The following CRISPLD2 variants were observed in gnomAD, a reference collection of about 807,000 sequenced individuals.
The protein encoded by CRISPLD2 is cysteine-rich secretory protein LCCL domain-containing 2.
In CRISPLD2, 47 loss-of-function variants were observed where a neutral mutation model predicts 71.1. The ratio of observed to expected loss-of-function variants is 0.66; its 90% CI spans 0.52 to 0.84. The LOEUF (loss-of-function observed/expected upper bound fraction) is 0.84. Ranked by LOEUF, CRISPLD2 falls within the 40% of genes least tolerant of loss-of-function variation. The pLI is 0.00. For synonymous variants in CRISPLD2, 317 were observed against 250.1 expected (o/e 1.27, Z -2.52); for missense variants, 830 against 651.1 (o/e 1.27, Z -2.99).
At chr16:84,870,830 G>C (rs566065549) in intron 8 of CRISPLD2, among the ~76,000 whole-genome samples, 1 of 151,954 alleles carries the variant, frequency 6.6e-6, no homozygotes, top group Non-Finnish European at 1.5e-5. Flanking sequence ...AGGCCGAGGC[G>C]GGTGGATCAC....
rs74031019 is a variant in CRISPLD2 at position 84,891,925 on chromosome 16, A to G, written c.1439+2562A>G. 3.9e-3 allele frequency among the ~76,000 whole-genome samples: 587 copies of G among 152,328 alleles called. 3 individuals are homozygous for G. Among genetic ancestry groups the G allele is most frequent in the African/African-American group, 0.014 (566 of 41,570 alleles). ...AGGTGTCTTCCAGGCATCCCTCCCAAGCACACATGTCACTGGTGCCTTCTG... is the reference window on the plus strand; with the variant it reads ...AGGTGTCTTCCAGGCATCCCTCCCAGGCACACATGTCACTGGTGCCTTCTG... On this transcript the variant is annotated intron_variant, in intron 14 of 14. Transcript: ENST00000262424.
chr16:84,888,298 C>G (rs1179718874), intron 13 of CRISPLD2, among the ~76,000 whole-genome samples: 1 of 152,212 alleles, frequency 6.6e-6, no homozygotes, highest in Non-Finnish European at 1.5e-5. Flanking sequence ...CTTTGAGAGG[C>G]CAAGGCGGGA....
chr16:84,868,950 G>C, intron 8 of CRISPLD2, 39 bp downstream of exon 8: 1 of 1,497,988 alleles, frequency 6.7e-7, no homozygotes. Flanking sequence ...TGTAGCCTCT[G>C]AGTCTGTGCT....
At chr16:84,859,937 A>G (rs1429387980) in intron 6 of CRISPLD2, among the ~76,000 whole-genome samples, 2 of 152,252 alleles carry the variant, frequency 1.3e-5, no homozygotes, top group East Asian at 1.9e-4. Flanking sequence ...TGACATACAG[A>G]AAAAAGCAAT....
At chr16:84,891,329 G>A (rs904132953) in intron 14 of CRISPLD2, among the ~76,000 whole-genome samples, 1 of 152,200 alleles carries the variant, frequency 6.6e-6, no homozygotes, top group Non-Finnish European at 1.5e-5. Flanking sequence ...GGCACTTTGT[G>A]CAGCGGGCTT....
intron 14 of CRISPLD2, among the ~76,000 whole-genome samples, chr16:84,901,454 C>A (rs1410824830): frequency 6.7e-6 from 1 of 149,162 alleles, no homozygotes; most frequent in Admixed American, 6.7e-5. Flanking sequence ...GTGGAAAGAA[C>A]ACTCCTGGCT....
chr16:84,852,376 A>G (rs907147260), intron 5 of CRISPLD2, among the ~76,000 whole-genome samples: 1 of 152,218 alleles, frequency 6.6e-6, no homozygotes, highest in African/African-American at 2.4e-5. Flanking sequence ...AGTGCCCACC[A>G]TTCTAGCATC....
chr16:84,863,319 C>G (rs570174644), intron 6 of CRISPLD2, among the ~76,000 whole-genome samples: 5 of 152,334 alleles, frequency 3.3e-5, no homozygotes, highest in East Asian at 1.9e-4. Flanking sequence ...AAGTATCCAA[C>G]TTTCCTTGGC....
At chr16:84,888,204 C>G (rs918129901) in intron 13 of CRISPLD2, among the ~76,000 whole-genome samples, 9 of 152,334 alleles carry the variant, frequency 5.9e-5, no homozygotes, top group African/African-American at 2.2e-4. Flanking sequence ...AGGCCACCTG[C>G]ATTCATTGGC....
At chr16:84,884,454 G>A (rs1357297788) in intron 13 of CRISPLD2, among the ~76,000 whole-genome samples, 2 of 152,214 alleles carry the variant, frequency 1.3e-5, no homozygotes, top group Non-Finnish European at 2.9e-5. Context: ...GGGCTCTGGG[G>A]TTCACACAGG....
intron 1 of CRISPLD2, among the ~76,000 whole-genome samples, chr16:84,833,456 G>A (rs561716594): frequency 3.9e-5 from 6 of 152,192 alleles, no homozygotes; most frequent in Non-Finnish European, 8.8e-5. Context: ...ATCAATGAGT[G>A]GCTGAGTGGA....
At chr16:84,849,653 A>C in intron 4 of CRISPLD2, 136 bp downstream of exon 4, 1 of 877,678 alleles carries the variant, frequency 1.1e-6, no homozygotes, top group East Asian at 2.6e-5. Context: ...AGTTCTATAC[A>C]GAGTACAGCT....
chr16:84,838,905 T>A, intron 2 of CRISPLD2, 170 bp downstream of exon 2: 1 of 912,610 alleles, frequency 1.1e-6, no homozygotes, highest in South Asian at 1.4e-5. Context: ...TTTGTTTGTT[T>A]TGAGACAGGG....
intron 11 of CRISPLD2, among the ~76,000 whole-genome samples, chr16:84,875,414 C>CTTTTTTTTTTTTTTTTTTTTTTTTTTT (rs34028519): frequency 2.3e-5 from 2 of 87,770 alleles, no homozygotes; most frequent in African/African-American, 5.6e-5. Flanking sequence ...TATGCATGGA[C>CTTTTTTTTTTTTTTTTTTTTTTTTTTT]TTTTTTTTTT....
chr16:84,879,942 G>C (rs1263609060), intron 12 of CRISPLD2, among the ~76,000 whole-genome samples: 1 of 152,142 alleles, frequency 6.6e-6, no homozygotes, highest in Non-Finnish European at 1.5e-5. Context: ...AAACCACCCA[G>C]GGGTCACCCA....
At chr16:84,886,546 C>G (rs373676625) in intron 13 of CRISPLD2, among the ~76,000 whole-genome samples, 8 of 152,254 alleles carry the variant, frequency 5.3e-5, no homozygotes, top group African/African-American at 1.9e-4. Flanking sequence ...CACCATAAGC[C>G]AGGCAATGGC....
chr16:84,850,707 A>G (rs369157084), intron 5 of CRISPLD2, 24 bp downstream of exon 5: 14 of 1,580,306 alleles, frequency 8.9e-6, no homozygotes, highest in African/African-American at 1.3e-5. Context: ...ATGCCGTTGT[A>G]TGGGGTGGGG....
At chr16:84,895,712 G>A (rs1228508933) in intron 14 of CRISPLD2, among the ~76,000 whole-genome samples, 2 of 152,152 alleles carry the variant, frequency 1.3e-5, no homozygotes, top group Non-Finnish European at 2.9e-5. Flanking sequence ...CCCAGCCTGC[G>A]TTGCCCACAT....
chr16:84,821,333 G>T (rs1302677597), intron 1 of CRISPLD2, among the ~76,000 whole-genome samples: 1 of 152,186 alleles, frequency 6.6e-6, no homozygotes, highest in African/African-American at 2.4e-5. Flanking sequence ...TTCTGCCCCT[G>T]ATCTGGCTGT....
Sources: gnomAD v4.1 joint callset for allele counts (sites outside exome capture counted in the v4.1 genomes callset) on GRCh38, gnomAD v4.1.1 for gene constraint, MANE v1.5 for transcripts, NCBI Gene and HGNC (gene_info 2026-07-23, HGNC 2026-07-21) for gene names.